PRP4K: variants seen among roughly 807,000 people sequenced by gnomAD.
PRP4K encodes pre-mRNA processing factor kinase PRP4K, also known as serine/threonine-protein kinase PRP4 homolog.
At chr6:4,036,963 G>T in the PRP4K span, among the ~76,000 whole-genome samples, 7 of 139,030 alleles carry the variant, frequency 5.0e-5, no homozygotes, top group Non-Finnish European at 7.6e-5. Context: ...TCCAGCCTGG[G>T]TGACAGAGTT....
chr6:4,040,470 T>C, the PRP4K span, among the ~76,000 whole-genome samples: 6 of 152,342 alleles, frequency 3.9e-5, no homozygotes, highest in African/African-American at 1.4e-4. Flanking sequence ...ATAGAGCTTA[T>C]ATTCAAGTTC....
At chr6:4,034,568 G>C in the PRP4K span, among the ~76,000 whole-genome samples, 1 of 151,946 alleles carries the variant, frequency 6.6e-6, no homozygotes, top group Non-Finnish European at 1.5e-5. Flanking sequence ...GGAAAGTTTA[G>C]GAAAACCTTT....
the PRP4K span, chr6:4,043,720 T>C: frequency 8.5e-7 from 1 of 1,177,224 alleles, no homozygotes; most frequent in Non-Finnish European, 1.2e-6. Flanking sequence ...TGATACGTTC[T>C]CTTAACTTTT....
chr6:4,039,847 C>T, the PRP4K span, among the ~76,000 whole-genome samples: 1 of 148,452 alleles, frequency 6.7e-6, no homozygotes, highest in Non-Finnish European at 1.5e-5. Context: ...CCCACCCCTC[C>T]CTTCCCCTCC....
chr6:4,027,616 G>C, the PRP4K span, among the ~76,000 whole-genome samples: 3 of 138,492 alleles, frequency 2.2e-5, no homozygotes, highest in Non-Finnish European at 4.8e-5. Context: ...GGTGGGGTGG[G>C]GGTTGGTCCG....
chr6:4,053,768 TTC>T, the PRP4K span, among the ~76,000 whole-genome samples: 5 of 152,314 alleles, frequency 3.3e-5, no homozygotes, highest in African/African-American at 9.6e-5. Flanking sequence ...TTAAAATGGG[TTC>T]TCTTTATCAG....
At chr6:4,052,041 C>G in the PRP4K span, 1 of 1,604,850 alleles carries the variant, frequency 6.2e-7, no homozygotes, top group East Asian at 2.2e-5. Flanking sequence ...GTCTGAGACT[C>G]TTCAGGCACT....
the PRP4K span, among the ~76,000 whole-genome samples, chr6:4,025,394 C>T: frequency 1.3e-5 from 2 of 152,268 alleles, no homozygotes; most frequent in East Asian, 3.9e-4. Flanking sequence ...CTCAATGTTT[C>T]AAGTTTTCCA....
the PRP4K span, among the ~76,000 whole-genome samples, chr6:4,044,926 G>A: frequency 2.0e-5 from 3 of 150,166 alleles, no homozygotes; most frequent in Non-Finnish European, 4.4e-5. Flanking sequence ...GCAGTGGCGC[G>A]ATCTCAGCTC....
the PRP4K span, among the ~76,000 whole-genome samples, chr6:4,042,078 G>C: frequency 6.6e-6 from 1 of 152,174 alleles, no homozygotes. Context: ...GGAAGTACGG[G>C]TATAGCTTTC....
At chr6:4,022,453 GTTT>G in the PRP4K span, among the ~76,000 whole-genome samples, 13 of 70,322 alleles carry the variant, frequency 1.8e-4, no homozygotes, top group African/African-American at 7.1e-4. Context: ...TATAGCGACC[GTTT>G]TTTTTTTTTG....
chr6:4,051,901 G>A, the PRP4K span: 2 of 1,170,166 alleles, frequency 1.7e-6, no homozygotes, highest in Non-Finnish European at 1.2e-6. Context: ...ACATTATTTA[G>A]TGCTCCTAAA....
chr6:4,041,062 CT>C, the PRP4K span: 3 of 968,404 alleles, frequency 3.1e-6, no homozygotes, highest in Non-Finnish European at 4.5e-6. Flanking sequence ...AAAAGTTAGT[CT>C]TTTGTGAATA....
At chr6:4,030,799 G>C in the PRP4K span, among the ~76,000 whole-genome samples, 3 of 152,100 alleles carry the variant, frequency 2.0e-5, no homozygotes, top group Non-Finnish European at 2.9e-5. Context: ...CTTACAAAAG[G>C]CCCTTCCATG....
the PRP4K span, among the ~76,000 whole-genome samples, chr6:4,024,190 T>C: frequency 6.6e-6 from 1 of 152,076 alleles, no homozygotes; most frequent in Non-Finnish European, 1.5e-5. Flanking sequence ...TTAAGTATTT[T>C]TGTAGAGGCA....
the PRP4K span, chr6:4,032,790 A>G: frequency 6.8e-7 from 1 of 1,461,032 alleles, no homozygotes; most frequent in Non-Finnish European, 9.0e-7. Flanking sequence ...GCTTTTTACC[A>G]GTGCATGAGA....
chr6:4,028,747 A>C, the PRP4K span, among the ~76,000 whole-genome samples: 1 of 152,170 alleles, frequency 6.6e-6, no homozygotes, highest in Non-Finnish European at 1.5e-5. Context: ...AAGTTCTTTG[A>C]GTATGGTACC....
chr6:4,048,107 G>A, the PRP4K span, among the ~76,000 whole-genome samples: 5 of 152,164 alleles, frequency 3.3e-5, no homozygotes, highest in African/African-American at 7.2e-5. Flanking sequence ...GGCCTGGCAC[G>A]GTGGCTCACG....
the PRP4K span, among the ~76,000 whole-genome samples, chr6:4,051,772 C>T: frequency 6.6e-6 from 1 of 152,162 alleles, no homozygotes. Context: ...AGTTGACTAA[C>T]TATAAAGTGT....
Sources: allele counts gnomAD v4.1 joint callset (sites outside exome capture counted in the v4.1 genomes callset), GRCh38; gene constraint gnomAD v4.1.1; transcripts MANE v1.5; gene names NCBI Gene and HGNC (gene_info 2026-07-23, HGNC 2026-07-21).